INPP4B: variants seen among roughly 807,000 people sequenced by gnomAD.
INPP4B encodes the protein inositol polyphosphate-4-phosphatase type II B, also known as inositol polyphosphate 4-phosphatase type II.
In INPP4B, 55 loss-of-function variants were observed where a neutral mutation model predicts 122.5. That is an observed-to-expected ratio of 0.45 (90% CI 0.36 to 0.56). The LOEUF (loss-of-function observed/expected upper bound fraction) is 0.56, where lower values mean the gene tolerates loss of function less well. Ranked by LOEUF, INPP4B falls within the 20% of genes least tolerant of loss-of-function variation. The pLI, the probability that INPP4B is intolerant of heterozygous loss-of-function variation, is 0.00. For missense variants in INPP4B, 1,000 were observed against 1,097.7 expected (o/e 0.91, Z 1.26); for synonymous variants, 403 against 388.7 (o/e 1.04, Z -0.43).
chr4:142,303,693 T>C (rs1021923395), intron 9 of INPP4B, among the ~76,000 whole-genome samples: 4 of 152,194 alleles, frequency 2.6e-5, no homozygotes, highest in Admixed American at 6.6e-5. Context: ...CATTTCAGAA[T>C]TGGTTTTCTA....
At chr4:142,629,227 A>T (rs191115482) in intron 2 of INPP4B, among the ~76,000 whole-genome samples, 1 of 152,194 alleles carries the variant, frequency 6.6e-6, no homozygotes, top group Non-Finnish European at 1.5e-5. Context: ...ATCAATATTG[A>T]ATGATCATTG....
At chr4:142,487,274 T>A (rs75847689) in intron 2 of INPP4B, among the ~76,000 whole-genome samples, 1 of 152,146 alleles carries the variant, frequency 6.6e-6, no homozygotes, top group East Asian at 1.9e-4. Flanking sequence ...TTTTGTAAAT[T>A]GCCCAGTCTC....
chr4:142,182,205 A>C (rs3775669), intron 15 of INPP4B, among the ~76,000 whole-genome samples: 7,023 of 152,216 alleles, frequency 0.046, 375 homozygotes, highest in East Asian at 0.16. Flanking sequence ...CATCAATAAA[A>C]TAAGTAGGAG....
chr4:142,380,935 T>C (rs571093727), intron 7 of INPP4B, among the ~76,000 whole-genome samples: 3 of 152,178 alleles, frequency 2.0e-5, no homozygotes, highest in Non-Finnish European at 4.4e-5. Flanking sequence ...TCCAATTTAT[T>C]ACATCCTTCT....
At chr4:142,694,874 G>C (rs888964143) in intron 2 of INPP4B, among the ~76,000 whole-genome samples, 3 of 152,012 alleles carry the variant, frequency 2.0e-5, no homozygotes, top group African/African-American at 7.2e-5. Flanking sequence ...CAACTAAAAA[G>C]TCCCTCAGAA....
chr4:142,774,446 T>G (rs1773545641), intron 1 of INPP4B, among the ~76,000 whole-genome samples: 1 of 151,752 alleles, frequency 6.6e-6, no homozygotes, highest in South Asian at 2.1e-4. Flanking sequence ...CAATCTAAGT[T>G]GAAATCTGCT....
At chr4:142,197,493 G>T (rs895093327) in intron 14 of INPP4B, among the ~76,000 whole-genome samples, 3 of 152,038 alleles carry the variant, frequency 2.0e-5, no homozygotes, top group Non-Finnish European at 4.4e-5. Context: ...AATTCCTTAT[G>T]ATAGTTTCTA....
chr4:142,127,124 C>G (rs1798975760), intron 18 of INPP4B, among the ~76,000 whole-genome samples: 1 of 152,146 alleles, frequency 6.6e-6, no homozygotes, highest in Non-Finnish European at 1.5e-5. Flanking sequence ...TTTGCACTTA[C>G]TGCATTCAAG....
intron 1 of INPP4B, among the ~76,000 whole-genome samples, chr4:142,828,960 G>A (rs72728694): frequency 0.23 from 34,589 of 149,222 alleles, 4,180 homozygotes; most frequent in South Asian, 0.33. Context: ...ATGGATCATC[G>A]TAGAAATCGT....
chr4:142,784,692 A>C (rs1034627530), intron 1 of INPP4B, among the ~76,000 whole-genome samples: 15 of 152,134 alleles, frequency 9.9e-5, no homozygotes, highest in Non-Finnish European at 2.2e-4. Flanking sequence ...CCAGGAACCC[A>C]AACAGGTCCT....
intron 17 of INPP4B, among the ~76,000 whole-genome samples, chr4:142,159,860 C>T (rs924063755): frequency 6.6e-6 from 1 of 151,830 alleles, no homozygotes; most frequent in East Asian, 1.9e-4. Flanking sequence ...CTTTAGAGCA[C>T]CTAGAGCAGC....
At chr4:142,608,092 G>T (rs890459296) in intron 2 of INPP4B, among the ~76,000 whole-genome samples, 8 of 152,130 alleles carry the variant, frequency 5.3e-5, no homozygotes, top group African/African-American at 1.9e-4. Flanking sequence ...AAGTTGTTTG[G>T]TTTTTTGTTT....
At chr4:142,793,973 A>C (rs921505474) in intron 1 of INPP4B, among the ~76,000 whole-genome samples, 4 of 152,092 alleles carry the variant, frequency 2.6e-5, no homozygotes, top group African/African-American at 9.7e-5. Context: ...TATAGATGTC[A>C]GTTCTACTCA....
At chr4:142,238,605 A>G (rs1857689886) in intron 11 of INPP4B, among the ~76,000 whole-genome samples, 1 of 152,078 alleles carries the variant, frequency 6.6e-6, no homozygotes, top group South Asian at 2.1e-4. Context: ...TCAAATACCA[A>G]GCATACTTTA....
At chr4:142,068,798 T>C (rs907393259) in intron 25 of INPP4B, among the ~76,000 whole-genome samples, 11 of 152,164 alleles carry the variant, frequency 7.2e-5, no homozygotes, top group African/African-American at 1.9e-4. Context: ...TAAATATATA[T>C]GCACCCAATA....
At chr4:142,620,259 C>T (rs1744603755) in intron 2 of INPP4B, among the ~76,000 whole-genome samples, 1 of 151,922 alleles carries the variant, frequency 6.6e-6, no homozygotes, top group South Asian at 2.1e-4. Context: ...AACCTAAATG[C>T]CCATCAACTG....
intron 16 of INPP4B, among the ~76,000 whole-genome samples, chr4:142,171,878 T>C (rs1344959726): frequency 1.3e-5 from 2 of 151,862 alleles, no homozygotes; most frequent in African/African-American, 2.4e-5. Flanking sequence ...AAATGATGTA[T>C]GAAATGACAA....
At chr4:142,230,079 A>G (rs912866658) in intron 12 of INPP4B, among the ~76,000 whole-genome samples, 2 of 152,222 alleles carry the variant, frequency 1.3e-5, no homozygotes, top group Non-Finnish European at 2.9e-5. Context: ...TTTCTGTGAA[A>G]CAAATTACTA....
chr4:142,489,090 C>A (rs1410475891), intron 2 of INPP4B, among the ~76,000 whole-genome samples: 1 of 152,068 alleles, frequency 6.6e-6, no homozygotes, highest in Non-Finnish European at 1.5e-5. Context: ...TTCTAATTTT[C>A]TCTGGGATTT....
Sources: gnomAD v4.1 joint callset for allele counts (sites outside exome capture counted in the v4.1 genomes callset) on GRCh38, gnomAD v4.1.1 for gene constraint, MANE v1.5 for transcripts, NCBI Gene and HGNC (gene_info 2026-07-23, HGNC 2026-07-21) for gene names.